Variants in DACH1 observed in about 807,000 individuals in gnomAD.
DACH1 encodes dachshund homolog 1.
Under a neutral mutation model 54.2 loss-of-function variants are expected in DACH1, and 12 were observed. That is an observed-to-expected ratio of 0.22 (90% confidence interval 0.14 to 0.36). DACH1 has a LOEUF of 0.36. DACH1 is among the 10% of genes least tolerant of loss of function. The pLI, the probability that DACH1 is intolerant of heterozygous loss-of-function variation, is 1.00. For missense variants in DACH1, 805 were observed against 929.8 expected, an observed-to-expected ratio of 0.87 and a Z score of 1.75; for synonymous variants, 386 against 366.2, an observed-to-expected ratio of 1.05 and a Z score of -0.62.
chr13:71,454,378 A>AGCC (rs1875359880), intron 10 of DACH1, among the ~76,000 whole-genome samples: 1 of 152,094 alleles, frequency 6.6e-6, no homozygotes, highest in Non-Finnish European at 1.5e-5. Context: ...GCCTCCTACA[A>AGCC]TTACAGCCAT....
At chr13:71,855,386 TTCTA>T (rs1282491844) in intron 1 of DACH1, among the ~76,000 whole-genome samples, 2 of 151,998 alleles carry the variant, frequency 1.3e-5, no homozygotes, top group Non-Finnish European at 2.9e-5. Flanking sequence ...GAGCAAGTCT[TTCTA>T]TATGGAGAAG....
At chr13:71,832,219 G>T (rs1428156692) in intron 1 of DACH1, among the ~76,000 whole-genome samples, 2 of 151,928 alleles carry the variant, frequency 1.3e-5, no homozygotes, top group Non-Finnish European at 2.9e-5. Flanking sequence ...AATAAATGAA[G>T]TGGATCTCTT....
chr13:71,578,185 G>A (rs531931575), intron 3 of DACH1, among the ~76,000 whole-genome samples: 2 of 152,208 alleles, frequency 1.3e-5, no homozygotes, highest in African/African-American at 2.4e-5. Context: ...GAGGCAAATC[G>A]CAAAGGGACT....
chr13:71,824,898 T>C (rs1434512801), intron 1 of DACH1, among the ~76,000 whole-genome samples: 5 of 152,078 alleles, frequency 3.3e-5, no homozygotes, highest in Admixed American at 6.6e-5. Flanking sequence ...TTCATAAACA[T>C]GGGAATTTTA....
chr13:71,847,883 G>T, intron 1 of DACH1, among the ~76,000 whole-genome samples: 1 of 152,138 alleles, frequency 6.6e-6, no homozygotes, highest in East Asian at 1.9e-4. Flanking sequence ...CAAAATATTG[G>T]ACAGGCACCA....
At position 71,866,416 on chromosome 13, in the gene DACH1, G is replaced by A. The variant is rs909356862; in HGVS notation, c.354C>T (p.Gly118=). The change falls in exon 1 of 11, where the codon GGC becomes GGT. Residue 118 remains glycine (G), a synonymous_variant. Transcript: ENST00000613252. ...CGCCGCCAGCGCTGATGCCGCCGCC[G>A]CCGCCGCCGCTGCCGTTGCTCGCGG... ...LAAASNGSGG[G]GGGISAGGGV... 3.5e-6 allele frequency: 5 copies of A among 1,425,976 alleles called. No individual in the cohort carries two copies. Among genetic ancestry groups the A allele is most frequent in the South Asian group, 1.4e-5 (1 of 72,842 alleles). The allele number at this position is 1,425,976 out of a possible 1,614,324, so 88.3% of individuals were successfully genotyped here.
At chr13:71,726,684 A>G (rs1883481026) in intron 1 of DACH1, among the ~76,000 whole-genome samples, 1 of 152,050 alleles carries the variant, frequency 6.6e-6, no homozygotes, top group Admixed American at 6.5e-5. Context: ...AGTCTTATTT[A>G]TCATCTTATC....
Position 71,566,027 on chromosome 13 carries a change from G to C in DACH1, c.1300-6072C>G, listed in dbSNP as rs1042690216. Among the ~76,000 whole-genome samples the C allele has an allele frequency of 5.3e-5, 8 of 152,250 alleles. No individual in the cohort carries two copies. The South Asian group carries it at 1.2e-3, about 24-fold the overall frequency. ...CTTTACTACAGCCAAGGGATATAGAGATGAAGGAAGAACAGCAAGGAAAAA... is the reference window on the plus strand; with the variant it reads ...CTTTACTACAGCCAAGGGATATAGACATGAAGGAAGAACAGCAAGGAAAAA... On this transcript the variant is annotated intron_variant, in intron 4 of 10. Transcript: ENST00000613252.
chr13:71,548,681 C>G (rs143440241), intron 6 of DACH1, among the ~76,000 whole-genome samples: 1 of 152,082 alleles, frequency 6.6e-6, no homozygotes, highest in South Asian at 2.1e-4. Flanking sequence ...CTTTGGGATG[C>G]TGAGGTGGGT....
At chr13:71,843,834 A>G (rs925442120) in intron 1 of DACH1, among the ~76,000 whole-genome samples, 1 of 152,198 alleles carries the variant, frequency 6.6e-6, no homozygotes, top group Non-Finnish European at 1.5e-5. Context: ...ATTTAAGAGG[A>G]TATGTTTATG....
intron 1 of DACH1, among the ~76,000 whole-genome samples, chr13:71,809,373 G>A (rs1887625556): frequency 6.6e-6 from 1 of 151,966 alleles, no homozygotes; most frequent in Non-Finnish European, 1.5e-5. Context: ...GTCTCATCAT[G>A]TTGCCCAGGC....
intron 4 of DACH1, among the ~76,000 whole-genome samples, chr13:71,564,378 T>A (rs951813754): frequency 6.6e-6 from 1 of 151,940 alleles, no homozygotes; most frequent in East Asian, 1.9e-4. Flanking sequence ...TGAATCAACT[T>A]TACCAATCAA....
At chr13:71,763,093 C>T (rs1885472345) in intron 1 of DACH1, among the ~76,000 whole-genome samples, 1 of 152,182 alleles carries the variant, frequency 6.6e-6, no homozygotes, top group Admixed American at 6.5e-5. Context: ...TCAACATTCA[C>T]ATGTATATAT....
intron 1 of DACH1, among the ~76,000 whole-genome samples, chr13:71,803,637 A>G (rs950938342): frequency 6.6e-6 from 1 of 152,176 alleles, no homozygotes; most frequent in Non-Finnish European, 1.5e-5. Context: ...AAAGCAAATT[A>G]TGAAGAAAAA....
intron 3 of DACH1, among the ~76,000 whole-genome samples, chr13:71,619,471 A>C (rs1876046508): frequency 6.6e-6 from 1 of 151,942 alleles, no homozygotes; most frequent in Admixed American, 6.6e-5. Context: ...AAATACCATC[A>C]AATGCTTCAT....
At chr13:71,838,226 G>C (rs976638168) in intron 1 of DACH1, among the ~76,000 whole-genome samples, 1 of 152,098 alleles carries the variant, frequency 6.6e-6, no homozygotes, top group African/African-American at 2.4e-5. Flanking sequence ...AAAGTTAATA[G>C]ATGATTTAAA....
At chr13:71,553,562 T>TAA (rs1204729649) in intron 6 of DACH1, among the ~76,000 whole-genome samples, 2 of 146,826 alleles carry the variant, frequency 1.4e-5, no homozygotes, top group Non-Finnish European at 3.0e-5. Flanking sequence ...TATATATATA[T>TAA]AACATTTTGT....
intron 1 of DACH1, among the ~76,000 whole-genome samples, chr13:71,753,619 T>C (rs1252898178): frequency 2.6e-5 from 4 of 152,216 alleles, no homozygotes; most frequent in Non-Finnish European, 5.9e-5. Context: ...AGTAATAGTA[T>C]GAAGAAAATT....
chr13:71,778,148 A>G (rs912001443), intron 1 of DACH1, among the ~76,000 whole-genome samples: 5 of 151,370 alleles, frequency 3.3e-5, no homozygotes, highest in East Asian at 1.9e-4. Flanking sequence ...ATAAAACTAT[A>G]AAACTTCAGA....
Sources: gnomAD v4.1 joint callset for allele counts (sites outside exome capture counted in the v4.1 genomes callset) on GRCh38, gnomAD v4.1.1 for gene constraint, MANE v1.5 for transcripts, NCBI Gene and HGNC (gene_info 2026-07-23, HGNC 2026-07-21) for gene names.